Variants in RPS6KC1 observed in about 807,000 individuals in gnomAD.
The protein encoded by RPS6KC1 is ribosomal protein S6 kinase C1.
A neutral mutation model predicts 103.8 loss-of-function variants in RPS6KC1; 54 were observed. The ratio of observed to expected loss-of-function variants is 0.52; its 90% confidence interval spans 0.42 to 0.65. The LOEUF is 0.65. RPS6KC1 is among the 30% of genes least tolerant of loss of function. The probability of loss-of-function intolerance (pLI) is 0.00; values close to 1 mark genes in which losing one functional copy is unlikely to be tolerated. For synonymous variants in RPS6KC1, 439 were observed against 438.7 expected, an observed-to-expected ratio of 1.00 and a Z score of -0.01; for missense variants, 1,151 against 1,253.8, an observed-to-expected ratio of 0.92 and a Z score of 1.24.
the RPS6KC1 span, among the ~76,000 whole-genome samples, chr1:213,737,810 A>G: frequency 6.6e-6 from 1 of 152,248 alleles, no homozygotes; most frequent in African/African-American, 2.4e-5. Flanking sequence ...GGTCCAGGGC[A>G]GTAACTCACT....
At chr1:213,835,439 G>T in the RPS6KC1 span, among the ~76,000 whole-genome samples, 2 of 152,184 alleles carry the variant, frequency 1.3e-5, no homozygotes, top group Non-Finnish European at 2.9e-5. Flanking sequence ...TAATGGCTAC[G>T]CTGGGGATGG....
the RPS6KC1 span, among the ~76,000 whole-genome samples, chr1:213,465,007 C>A: frequency 3.1e-4 from 47 of 152,188 alleles, no homozygotes; most frequent in African/African-American, 9.9e-4. Flanking sequence ...ACACCCCTTT[C>A]CAGGGCAGCT....
At chr1:213,578,543 G>A in the RPS6KC1 span, among the ~76,000 whole-genome samples, 6,574 of 152,320 alleles carry the variant, frequency 0.043, 189 homozygotes, top group East Asian at 0.11. Flanking sequence ...AGCCATAGGG[G>A]CAGAGCTGCC....
At chr1:213,399,442 G>C in the RPS6KC1 span, among the ~76,000 whole-genome samples, 4 of 152,114 alleles carry the variant, frequency 2.6e-5, no homozygotes, top group Admixed American at 2.0e-4. Context: ...GTTGTGCCTT[G>C]AGTGAGTCCA....
At chr1:213,852,864 G>A in the RPS6KC1 span, among the ~76,000 whole-genome samples, 1 of 152,168 alleles carries the variant, frequency 6.6e-6, no homozygotes, top group Non-Finnish European at 1.5e-5. Context: ...GAGTCTCAAA[G>A]TGTGCGTGAC....
At chr1:213,223,338 C>T (rs1385093469) in intron 8 of RPS6KC1, among the ~76,000 whole-genome samples, 3 of 152,044 alleles carry the variant, frequency 2.0e-5, no homozygotes, top group South Asian at 2.1e-4. Context: ...GTACCCAATA[C>T]GTAGTATTTT....
At chr1:213,658,968 T>G in the RPS6KC1 span, among the ~76,000 whole-genome samples, 1 of 152,090 alleles carries the variant, frequency 6.6e-6, no homozygotes, top group Non-Finnish European at 1.5e-5. Context: ...TCTTTTCTTT[T>G]TTTTCTTTTT....
At chr1:213,514,654 A>G in the RPS6KC1 span, among the ~76,000 whole-genome samples, 1 of 152,014 alleles carries the variant, frequency 6.6e-6, no homozygotes, top group Admixed American at 6.6e-5. Flanking sequence ...CTTGGTTCCA[A>G]GTCTTTGCTA....
chr1:213,840,469 T>C, the RPS6KC1 span: 2 of 152,302 alleles, frequency 1.3e-5, no homozygotes, highest in African/African-American at 4.8e-5. Context: ...ATATTTATAG[T>C]GCAGCAAAGT....
intron 12 of RPS6KC1, among the ~76,000 whole-genome samples, chr1:213,253,908 TTATTTTGGCTG>T (rs904000607): frequency 6.6e-6 from 1 of 152,172 alleles, no homozygotes; most frequent in Non-Finnish European, 1.5e-5. Context: ...GTAAACATTA[TTATTTTGGCTG>T]TAAGAGGGAG....
the RPS6KC1 span, among the ~76,000 whole-genome samples, chr1:213,549,775 AG>A: frequency 2.3e-4 from 35 of 151,822 alleles, no homozygotes; most frequent in African/African-American, 8.0e-4. Flanking sequence ...CTCACCTATT[AG>A]AAAGAGGATA....
intron 3 of RPS6KC1, among the ~76,000 whole-genome samples, chr1:213,098,701 C>T (rs1034147862): frequency 6.6e-6 from 1 of 152,014 alleles, no homozygotes; most frequent in African/African-American, 2.4e-5. Context: ...TTGCAAATGC[C>T]AGTACCAAAG....
the RPS6KC1 span, among the ~76,000 whole-genome samples, chr1:213,770,254 C>T: frequency 3.3e-5 from 5 of 152,188 alleles, no homozygotes; most frequent in Non-Finnish European, 7.3e-5. Context: ...AAGCTTGGGA[C>T]TCCTCCTTAT....
chr1:213,189,221 G>T (rs891064835), intron 8 of RPS6KC1, among the ~76,000 whole-genome samples: 1 of 152,048 alleles, frequency 6.6e-6, no homozygotes, highest in Non-Finnish European at 1.5e-5. Context: ...GGCCGAAGTG[G>T]GTGGATCACT....
At chr1:213,137,491 G>A (rs1174739374) in intron 6 of RPS6KC1, among the ~76,000 whole-genome samples, 2 of 151,406 alleles carry the variant, frequency 1.3e-5, no homozygotes, top group African/African-American at 2.4e-5. Flanking sequence ...GTGCCACCAC[G>A]CCTGGCTAAT....
At chr1:213,508,872 G>C in the RPS6KC1 span, among the ~76,000 whole-genome samples, 6 of 152,122 alleles carry the variant, frequency 3.9e-5, no homozygotes, top group Non-Finnish European at 7.3e-5. Context: ...GAGAGAAAAG[G>C]GCAATGGCAG....
At chr1:213,447,208 C>T in the RPS6KC1 span, among the ~76,000 whole-genome samples, 3 of 152,018 alleles carry the variant, frequency 2.0e-5, no homozygotes, top group Non-Finnish European at 4.4e-5. Flanking sequence ...GGTGGGACAA[C>T]AGGCACTGCC....
At chr1:213,529,975 C>T in the RPS6KC1 span, among the ~76,000 whole-genome samples, 1 of 152,072 alleles carries the variant, frequency 6.6e-6, no homozygotes, top group Non-Finnish European at 1.5e-5. Context: ...GGCCCACATT[C>T]TATTGCAAGT....
At chr1:213,649,159 C>T in the RPS6KC1 span, among the ~76,000 whole-genome samples, 1 of 151,800 alleles carries the variant, frequency 6.6e-6, no homozygotes, top group African/African-American at 2.4e-5. Context: ...AGACCAGCAT[C>T]TGGCTCTGCT....
Sources: gnomAD v4.1 joint callset for allele counts (sites outside exome capture counted in the v4.1 genomes callset) on GRCh38, gnomAD v4.1.1 for gene constraint, MANE v1.5 for transcripts, NCBI Gene and HGNC (gene_info 2026-07-23, HGNC 2026-07-21) for gene names.